The following RIMS1 variants were observed in gnomAD, a reference collection of about 807,000 sequenced individuals.
RIMS1 encodes regulating synaptic membrane exocytosis protein 1.
A neutral mutation model predicts 214.1 loss-of-function variants in RIMS1; 83 were observed. The ratio of observed to expected loss-of-function variants is 0.39; its 90% CI spans 0.32 to 0.47. RIMS1 has a LOEUF of 0.47. RIMS1 is among the 20% of genes least tolerant of loss of function. The probability of loss-of-function intolerance (pLI) is 0.99; values close to 1 mark genes in which losing one functional copy is unlikely to be tolerated. For synonymous variants in RIMS1, 793 were observed against 786.8 expected (o/e 1.01, Z -0.13); for missense variants, 2,050 against 2,161.8 (o/e 0.95, Z 1.03).
chr6:72,261,822 T>C (rs766254187), intron 19 of RIMS1: 45 of 985,104 alleles, frequency 4.6e-5, no homozygotes, highest in Admixed American at 1.2e-4. Context: ...CTGCCATGTT[T>C]GCTTGGAGTG....
At chr6:72,004,994 A>C (rs1167500658) in intron 2 of RIMS1, among the ~76,000 whole-genome samples, 1 of 151,762 alleles carries the variant, frequency 6.6e-6, no homozygotes, top group Non-Finnish European at 1.5e-5. Flanking sequence ...TAGGGTTTTT[A>C]TGGTTTTAGG....
rs527606487 is a variant in RIMS1 at position 71,984,201 on chromosome 6, A to G, written c.245+15138A>G. ...TTTCTATCAGCCTGAGAAGAATGCAAAAAGGCTTAAAAAACATCTCTCTAT... is the reference window on the plus strand; with the variant it reads ...TTTCTATCAGCCTGAGAAGAATGCAGAAAGGCTTAAAAAACATCTCTCTAT... On this transcript the variant is annotated intron_variant, in intron 2 of 33. Coordinates refer to ENST00000521978, the MANE Select transcript of RIMS1 (RefSeq NM_014989.7). Among the ~76,000 whole-genome samples the G allele has an allele frequency of 4.6e-5, 7 of 152,306 alleles. No homozygotes were observed. In the East Asian group the frequency reaches 1.3e-3, roughly 29 times the overall value.
chr6:72,392,623 A>G, intron 30 of RIMS1, 75 bp from the exon 31 acceptor site: 1 of 978,098 alleles, frequency 1.0e-6, no homozygotes, highest in Non-Finnish European at 1.7e-6. Context: ...ATAATTAGTC[A>G]AGTGGAAACT....
chr6:72,131,642 G>A (rs775936750), intron 4 of RIMS1, among the ~76,000 whole-genome samples: 5 of 152,162 alleles, frequency 3.3e-5, no homozygotes, highest in African/African-American at 2.4e-5. Flanking sequence ...CAGGACTGGG[G>A]CAAAATTAAA....
At chr6:71,978,359 G>C (rs1314085270) in intron 2 of RIMS1, among the ~76,000 whole-genome samples, 1 of 151,956 alleles carries the variant, frequency 6.6e-6, no homozygotes, top group African/African-American at 2.4e-5. Flanking sequence ...ATGTAAAATT[G>C]AATAAAAATT....
Position 72,218,262 on chromosome 6 carries a change from G to T in RIMS1, c.1679-15511G>T, listed in dbSNP as rs183164746. 1.5e-4 allele frequency among the ~76,000 whole-genome samples: 23 copies of T among 152,260 alleles called. No homozygotes were observed. In the East Asian group the frequency reaches 4.3e-3, roughly 28 times the overall value. On this transcript the variant is annotated intron_variant, in intron 6 of 33. Transcript: ENST00000521978. ...GCTGCAGCCTGATGAGGACCTGGAC[G>T]CAGAGAGGCACTGGGGCTCTCTGAA...
chr6:71,927,094 A>G (rs1485759055), intron 1 of RIMS1, among the ~76,000 whole-genome samples: 1 of 152,172 alleles, frequency 6.6e-6, no homozygotes, highest in Non-Finnish European at 1.5e-5. Flanking sequence ...GAAAGAAGGC[A>G]GAAAAAAATT....
At chr6:72,187,459 T>A (rs1465612581) in intron 6 of RIMS1, among the ~76,000 whole-genome samples, 1 of 150,578 alleles carries the variant, frequency 6.6e-6, no homozygotes, top group African/African-American at 2.4e-5. Context: ...ATACTTAATT[T>A]GTGTCCAGAT....
intron 6 of RIMS1, among the ~76,000 whole-genome samples, chr6:72,201,981 T>C (rs2052068455): frequency 6.6e-6 from 1 of 152,236 alleles, no homozygotes; most frequent in African/African-American, 2.4e-5. Context: ...TTCCGTATCA[T>C]ACTTATTCAT....
chr6:71,993,845 C>T (rs1218493982), intron 2 of RIMS1, among the ~76,000 whole-genome samples: 1 of 152,138 alleles, frequency 6.6e-6, no homozygotes, highest in Non-Finnish European at 1.5e-5. Flanking sequence ...GGAGTTCTTT[C>T]AGAAATTATG....
intron 2 of RIMS1, among the ~76,000 whole-genome samples, chr6:72,088,217 CTTTATTTA>C (rs3079733): frequency 0.032 from 4,502 of 142,794 alleles, 129 homozygotes; most frequent in Admixed American, 0.096. Flanking sequence ...TATTTATTTA[CTTTATTTA>C]TTTATTTATT....
chr6:72,174,221 T>C (rs1252154041), intron 4 of RIMS1, among the ~76,000 whole-genome samples: 1 of 152,226 alleles, frequency 6.6e-6, no homozygotes, highest in East Asian at 1.9e-4. Flanking sequence ...TCTCCCTTCC[T>C]TGAGGGTCCT....
chr6:72,003,339 G>A (rs112086382), intron 2 of RIMS1, among the ~76,000 whole-genome samples: 1,731 of 151,994 alleles, frequency 0.011, 9 homozygotes, highest in Non-Finnish European at 0.017. Flanking sequence ...CTTGGTATCC[G>A]ATTTTAAGTT....
chr6:72,258,944 G>C (rs1421138569), intron 17 of RIMS1, 42 bp from the exon 18 acceptor site: 1 of 1,599,240 alleles, frequency 6.3e-7, no homozygotes, highest in Admixed American at 1.7e-5. Flanking sequence ...GTTTTGGGAA[G>C]ATGATACAAT....
chr6:72,112,508 C>A (rs867723914), intron 4 of RIMS1, among the ~76,000 whole-genome samples: 1 of 152,246 alleles, frequency 6.6e-6, no homozygotes, highest in Middle Eastern at 3.4e-3. Flanking sequence ...TACACACATC[C>A]TCTCCTGTCA....
chr6:72,392,784 G>T lies in RIMS1; in HGVS notation c.4592G>T (p.Arg1531Leu). The T allele has an allele frequency of 6.2e-7, 1 of 1,612,856 alleles. No homozygotes were observed. Among genetic ancestry groups the T allele is most frequent in the Non-Finnish European group, 8.5e-7 (1 of 1,179,390 alleles). The change falls in exon 31 of 34, where the codon CGC (arginine) becomes CTC (leucine). Residue 1531 changes from arginine to leucine, a missense_variant. By Grantham distance (102) the Arg-to-Leu change is moderately radical. This residue lies in a region of RIMS1 where 121 missense variants were observed against 187.3 expected (regional missense o/e 0.65). Transcript: ENST00000521978. The stretch of plus-strand genomic sequence containing the variant: ...TTGGGACCAGCCCAGCTTGTTGGCC[G>T]CCAAACCCTTGCCACCCCTGCAATG... ...DGLGPAQLVG[R>L]QTLATPAMGD...
intron 1 of RIMS1, among the ~76,000 whole-genome samples, chr6:71,945,651 T>A (rs1442341187): frequency 6.6e-6 from 1 of 151,976 alleles, no homozygotes; most frequent in South Asian, 2.1e-4. Flanking sequence ...AACATAATAC[T>A]GGATGCCCTA....
At chr6:71,889,995 C>T (rs1769114879) in intron 1 of RIMS1, among the ~76,000 whole-genome samples, 1 of 152,158 alleles carries the variant, frequency 6.6e-6, no homozygotes, top group South Asian at 2.1e-4. Context: ...ACCTACTGTG[C>T]ATGCTGTCTC....
chr6:72,030,224 A>G (rs532740030), intron 2 of RIMS1, among the ~76,000 whole-genome samples: 1 of 152,302 alleles, frequency 6.6e-6, no homozygotes, highest in South Asian at 2.1e-4. Context: ...AAGATTCTGC[A>G]TGTCTAACAA....
Sources: gnomAD v4.1 joint callset for allele counts (sites outside exome capture counted in the v4.1 genomes callset) on GRCh38, gnomAD v4.1.1 for gene constraint, gnomAD v4.1.1 regional missense constraint, MANE v1.5 for transcripts, NCBI Gene and HGNC (gene_info 2026-07-23, HGNC 2026-07-21) for gene names.